CSMD3: variants seen among roughly 807,000 people sequenced by gnomAD.
The protein encoded by CSMD3 is CUB and Sushi multiple domains 3, also known as CUB and sushi domain-containing protein 3.
Under a neutral mutation model 435.2 loss-of-function variants are expected in CSMD3, and 177 were observed. That is an observed-to-expected ratio of 0.41 (90% CI 0.36 to 0.46). The LOEUF is 0.46. Among genes scored for constraint, CSMD3 ranks in the 20% least tolerant of loss-of-function variants. The probability of loss-of-function intolerance (pLI) is 0.34; values close to 1 mark genes in which losing one functional copy is unlikely to be tolerated. For synonymous variants in CSMD3, 1,656 were observed against 1,520.5 expected (o/e 1.09, Z -2.07); for missense variants, 4,265 against 4,504.6 (o/e 0.95, Z 1.52).
At chr8:112,397,557 G>A (rs964806374) in intron 35 of CSMD3, among the ~76,000 whole-genome samples, 3 of 152,154 alleles carry the variant, frequency 2.0e-5, no homozygotes, top group Admixed American at 6.6e-5. Flanking sequence ...TGGAAGCTGG[G>A]AAGTCAGCAC....
At chr8:112,282,231 C>CGTGT (rs145604094) in intron 58 of CSMD3, among the ~76,000 whole-genome samples, 16 of 148,884 alleles carry the variant, frequency 1.1e-4, no homozygotes, top group African/African-American at 3.2e-4. Context: ...GTATAACTGC[C>CGTGT]GTGTGTGTGT....
intron 26 of CSMD3, among the ~76,000 whole-genome samples, chr8:112,551,653 TTAGAC>T (rs1318447251): frequency 4.6e-5 from 7 of 152,072 alleles, no homozygotes; most frequent in African/African-American, 1.7e-4. Flanking sequence ...AATGCACGAC[TTAGAC>T]TAAAGAAAAA....
At chr8:113,135,799 C>G (rs1359866331) in intron 4 of CSMD3, among the ~76,000 whole-genome samples, 1 of 151,810 alleles carries the variant, frequency 6.6e-6, no homozygotes, top group Non-Finnish European at 1.5e-5. Flanking sequence ...CTTTTCCCCA[C>G]AGGTCACTAT....
At chr8:112,755,326 G>A (rs1033237863) in intron 13 of CSMD3, among the ~76,000 whole-genome samples, 5 of 104,426 alleles carry the variant, frequency 4.8e-5, no homozygotes, top group South Asian at 3.5e-4. Flanking sequence ...GGGAGACTCC[G>A]TCTCAAATAA....
rs1263064370 is a variant in CSMD3, at chr8:112,255,250, T to A, written c.10036+4A>T. Reference sequence around the variant, plus strand: ...GTGCATAATCAGCCTTTAATTAATATTACCTATGCAGTGAGGTGATGAACC... The same window carrying A: ...GTGCATAATCAGCCTTTAATTAATAATACCTATGCAGTGAGGTGATGAACC... On this transcript the variant is annotated splice_donor_region_variant and intron_variant, in intron 62 of 70. Coordinates refer to ENST00000297405, the MANE Select transcript of CSMD3 (RefSeq NM_198123.2). 1 of 1,609,692 alleles carries A rather than the reference T, an allele frequency of 6.2e-7. No homozygotes were observed. The highest frequency in any genetic ancestry group is 1.7e-5 in the Admixed American group (1 of 59,944).
intron 3 of CSMD3, among the ~76,000 whole-genome samples, chr8:113,217,739 A>C (rs2092921793): frequency 6.6e-6 from 1 of 151,508 alleles, no homozygotes. Flanking sequence ...GGTCTAATAC[A>C]CGCACAACTG....
At chr8:112,390,558 G>T in intron 36 of CSMD3, 106 bp downstream of exon 36, 2 of 976,450 alleles carry the variant, frequency 2.0e-6, no homozygotes, top group Non-Finnish European at 3.2e-6. Context: ...AACCATGTCA[G>T]TCAAAACCAC....
intron 9 of CSMD3, among the ~76,000 whole-genome samples, 180 bp downstream of exon 9, chr8:112,947,610 G>T (rs988483441): frequency 7.3e-5 from 11 of 151,550 alleles, no homozygotes; most frequent in Admixed American, 1.3e-4. Context: ...TTCTAATAAA[G>T]TTAATGCATT....
chr8:113,150,689 T>C (rs573654377), intron 4 of CSMD3, among the ~76,000 whole-genome samples: 1 of 152,066 alleles, frequency 6.6e-6, no homozygotes, highest in African/African-American at 2.4e-5. Flanking sequence ...AAGATTTTCA[T>C]GTTTTATTCT....
intron 57 of CSMD3, among the ~76,000 whole-genome samples, chr8:112,287,869 T>G (rs752104543): frequency 5.3e-5 from 8 of 152,110 alleles, no homozygotes; most frequent in Non-Finnish European, 8.8e-5. Context: ...GACTTAAGTT[T>G]CTGATAAGAA....
chr8:113,237,005 A>G (rs72687683), intron 3 of CSMD3, among the ~76,000 whole-genome samples: 17,151 of 152,090 alleles, frequency 0.11, 1,565 homozygotes, highest in African/African-American at 0.25. Context: ...AGAGAGTATA[A>G]TAACAGGCCA....
chr8:113,294,494 G>A (rs929789101), intron 2 of CSMD3, among the ~76,000 whole-genome samples: 2 of 151,996 alleles, frequency 1.3e-5, no homozygotes, highest in African/African-American at 4.8e-5. Flanking sequence ...TCAGAAATTA[G>A]GCCACTTTCT....
chr8:113,126,522 C>G (rs1220660071), intron 4 of CSMD3, among the ~76,000 whole-genome samples: 1 of 151,698 alleles, frequency 6.6e-6, no homozygotes, highest in Non-Finnish European at 1.5e-5. Flanking sequence ...GAATAGACAA[C>G]AAGTACCAAT....
intron 3 of CSMD3, among the ~76,000 whole-genome samples, chr8:113,240,091 G>A (rs1332624195): frequency 1.3e-5 from 2 of 152,034 alleles, no homozygotes; most frequent in African/African-American, 2.4e-5. Context: ...ACTTATAAGT[G>A]AGAACATGCA....
At chr8:112,302,212 C>CTT (rs1586707222) in intron 52 of CSMD3, among the ~76,000 whole-genome samples, 2 of 121,872 alleles carry the variant, frequency 1.6e-5, no homozygotes, top group Non-Finnish European at 1.8e-5. Flanking sequence ...CTTTTTTTTT[C>CTT]ATTTTTTTTT....
At chr8:112,977,579 AC>A (rs754062984) in intron 6 of CSMD3, among the ~76,000 whole-genome samples, 4 of 152,174 alleles carry the variant, frequency 2.6e-5, no homozygotes, top group Non-Finnish European at 4.4e-5. Context: ...CCCCTCACTC[AC>A]AGGCAAACAG....
intron 1 of CSMD3, among the ~76,000 whole-genome samples, chr8:113,369,578 C>A (rs2094334380): frequency 6.6e-6 from 1 of 151,840 alleles, no homozygotes; most frequent in Non-Finnish European, 1.5e-5. Context: ...GAAATTAAAT[C>A]AGTATGTCAA....
chr8:112,975,340 A>G (rs2084805678), intron 7 of CSMD3, among the ~76,000 whole-genome samples: 1 of 152,146 alleles, frequency 6.6e-6, no homozygotes, highest in Non-Finnish European at 1.5e-5. Context: ...CACCAGATAT[A>G]ATGTTTCTAT....
intron 22 of CSMD3, among the ~76,000 whole-genome samples, chr8:112,621,422 C>A (rs1744281160): frequency 6.6e-6 from 1 of 151,956 alleles, no homozygotes; most frequent in Admixed American, 6.6e-5. Context: ...GCTAGCATTT[C>A]ATTTCACTTC....
Sources: gnomAD v4.1 joint callset for allele counts (sites outside exome capture counted in the v4.1 genomes callset) on GRCh38, gnomAD v4.1.1 for gene constraint, MANE v1.5 for transcripts, NCBI Gene and HGNC (gene_info 2026-07-23, HGNC 2026-07-21) for gene names.